GPC5: variants seen among roughly 807,000 people sequenced by gnomAD.
GPC5 encodes the protein glypican-5.
GPC5 carries 47 observed loss-of-function variants against 53.9 expected under a neutral mutation model. That is an observed-to-expected ratio of 0.87 (90% CI 0.69 to 1.11). The LOEUF is 1.11. GPC5 is among the 50% of genes most tolerant of loss of function. GPC5 has a pLI of 0.00. For missense variants in GPC5, 748 were observed against 713.1 expected (o/e 1.05, Z -0.56); for synonymous variants, 286 against 263.3 (o/e 1.09, Z -0.84).
intron 7 of GPC5, among the ~76,000 whole-genome samples, chr13:92,778,990 T>C (rs1570972): frequency 0.24 from 34,539 of 144,228 alleles, 4,429 homozygotes; most frequent in East Asian, 0.56. Flanking sequence ...CACACACACA[T>C]ATATATATAT....
At chr13:92,743,193 G>C (rs555018191) in intron 7 of GPC5, among the ~76,000 whole-genome samples, 19 of 151,976 alleles carry the variant, frequency 1.3e-4, no homozygotes, top group East Asian at 3.9e-4. Context: ...CCATTTTCAC[G>C]ATATTGATTC....
chr13:92,251,529 G>A (rs1363676742), intron 7 of GPC5, among the ~76,000 whole-genome samples: 1 of 151,560 alleles, frequency 6.6e-6, no homozygotes, highest in Non-Finnish European at 1.5e-5. Flanking sequence ...GTGGTCTTTA[G>A]GATGTCACCC....
chr13:92,862,618 T>G (rs986364326), intron 7 of GPC5, among the ~76,000 whole-genome samples: 2 of 139,776 alleles, frequency 1.4e-5, no homozygotes, highest in African/African-American at 2.7e-5. Flanking sequence ...CTAGTGGAGA[T>G]AGATAGACAG....
intron 1 of GPC5, among the ~76,000 whole-genome samples, chr13:91,430,518 C>T (rs1879370666): frequency 6.6e-6 from 1 of 152,130 alleles, no homozygotes; most frequent in African/African-American, 2.4e-5. Flanking sequence ...TTCTCTTCTT[C>T]TGAGTGGTGT....
chr13:92,326,686 C>T (rs2043253739), intron 7 of GPC5, among the ~76,000 whole-genome samples: 1 of 152,084 alleles, frequency 6.6e-6, no homozygotes, highest in Non-Finnish European at 1.5e-5. Context: ...AACAAATGAA[C>T]AGGGATCATA....
At chr13:92,291,703 G>A (rs1348713962) in intron 7 of GPC5, among the ~76,000 whole-genome samples, 1 of 152,150 alleles carries the variant, frequency 6.6e-6, no homozygotes, top group Non-Finnish European at 1.5e-5. Context: ...AATAAATCTT[G>A]CTGCTACTCC....
chr13:92,045,972 G>A (rs867282463), intron 6 of GPC5, among the ~76,000 whole-genome samples: 7 of 152,056 alleles, frequency 4.6e-5, no homozygotes, highest in Admixed American at 2.0e-4. Context: ...TTAGCCGAGC[G>A]TGGCAGCAGG....
chr13:91,430,797 C>T (rs769286147), intron 1 of GPC5, among the ~76,000 whole-genome samples: 22 of 152,108 alleles, frequency 1.4e-4, no homozygotes, highest in African/African-American at 4.1e-4. Context: ...CTGGGCAACA[C>T]GATTTCCATT....
chr13:91,434,468 C>T (rs1272828913), intron 1 of GPC5, among the ~76,000 whole-genome samples: 1 of 152,070 alleles, frequency 6.6e-6, no homozygotes, highest in African/African-American at 2.4e-5. Flanking sequence ...AATCGTTTCC[C>T]CATTTCTTGT....
At chr13:92,789,542 C>G (rs761599421) in intron 7 of GPC5, among the ~76,000 whole-genome samples, 2 of 152,044 alleles carry the variant, frequency 1.3e-5, no homozygotes, top group African/African-American at 4.8e-5. Flanking sequence ...ATTCTATACA[C>G]TTCACAAATA....
intron 2 of GPC5, among the ~76,000 whole-genome samples, chr13:91,587,684 A>T (rs1407290636): frequency 6.6e-6 from 1 of 152,048 alleles, no homozygotes; most frequent in Non-Finnish European, 1.5e-5. Flanking sequence ...ATATCATTTT[A>T]TTATGTTTTA....
rs143767362 is a variant in GPC5, at chr13:91,788,860, G to A, written c.1280+32440G>A. Among the ~76,000 whole-genome samples the A allele has an allele frequency of 5.9e-5, 9 of 152,282 alleles. 1 individual carries two copies. The highest frequency in any genetic ancestry group is 1.2e-4 in the Non-Finnish European group (8 of 68,020). On this transcript the variant is annotated intron_variant, in intron 5 of 7. Transcript: ENST00000377067. ...AAAAGGAAACTTTGTGTTACATGAT[G>A]TGTTGTTAATTTTTAGATATTAATG...
chr13:92,193,377 A>G (rs938391296), intron 7 of GPC5, among the ~76,000 whole-genome samples: 1 of 152,196 alleles, frequency 6.6e-6, no homozygotes, highest in African/African-American at 2.4e-5. Context: ...GAAACAATAC[A>G]AATTCTGAAC....
intron 7 of GPC5, among the ~76,000 whole-genome samples, chr13:92,743,065 G>A (rs1889147237): frequency 6.6e-6 from 1 of 151,554 alleles, no homozygotes; most frequent in African/African-American, 2.4e-5. Context: ...GGCGATGCAG[G>A]CTCTTTTTTG....
intron 2 of GPC5, among the ~76,000 whole-genome samples, chr13:91,473,973 T>G (rs1882782851): frequency 6.6e-6 from 1 of 152,180 alleles, no homozygotes; most frequent in South Asian, 2.1e-4. Context: ...GTAGTTTTTA[T>G]TCTAGAAACA....
chr13:91,410,670 A>G (rs1338067486), intron 1 of GPC5, among the ~76,000 whole-genome samples: 2 of 151,986 alleles, frequency 1.3e-5, no homozygotes, highest in Non-Finnish European at 2.9e-5. Context: ...TGGAATATCA[A>G]AGTTTCAAAT....
chr13:92,116,960 T>A (rs1035717059), intron 6 of GPC5, among the ~76,000 whole-genome samples: 54 of 152,206 alleles, frequency 3.5e-4, no homozygotes, highest in African/African-American at 1.3e-3. Flanking sequence ...AGATGTGTGA[T>A]TTGCAAATAT....
chr13:92,380,237 C>T (rs998274905), intron 7 of GPC5, among the ~76,000 whole-genome samples: 2 of 152,126 alleles, frequency 1.3e-5, no homozygotes, highest in Non-Finnish European at 2.9e-5. Flanking sequence ...GTAAATGATG[C>T]TCTTGGTGTG....
intron 6 of GPC5, among the ~76,000 whole-genome samples, chr13:91,920,516 A>T (rs1163521530): frequency 6.6e-6 from 1 of 152,242 alleles, no homozygotes; most frequent in Non-Finnish European, 1.5e-5. Flanking sequence ...ATGAAGAGTC[A>T]TGACTCCCTA....
Sources: gnomAD v4.1 joint callset for allele counts (sites outside exome capture counted in the v4.1 genomes callset) on GRCh38, gnomAD v4.1.1 for gene constraint, MANE v1.5 for transcripts, NCBI Gene and HGNC (gene_info 2026-07-23, HGNC 2026-07-21) for gene names.